The following CACNB2 variants were observed in gnomAD, a reference collection of about 807,000 sequenced individuals.
CACNB2 encodes voltage-dependent L-type calcium channel subunit beta-2.
In CACNB2, 42 loss-of-function variants were observed where a neutral mutation model predicts 73.3. The ratio of observed to expected loss-of-function variants is 0.57; its 90% CI spans 0.45 to 0.74. The LOEUF (loss-of-function observed/expected upper bound fraction) is 0.74, where lower values mean the gene tolerates loss of function less well. Ranked by LOEUF, CACNB2 falls within the 30% of genes least tolerant of loss-of-function variation. CACNB2 has a pLI of 0.00. For missense variants in CACNB2, 940 were observed against 853.0 expected (o/e 1.10, Z -1.27); for synonymous variants, 348 against 310.3 (o/e 1.12, Z -1.28).
chr10:18,145,093 G>A (rs1024137792), intron 1 of CACNB2, among the ~76,000 whole-genome samples: 9 of 152,210 alleles, frequency 5.9e-5, no homozygotes. Flanking sequence ...CAGTGGGCCT[G>A]TTTGTTTTGC....
At chr10:18,178,209 G>T (rs979105128) in intron 2 of CACNB2, among the ~76,000 whole-genome samples, 1 of 152,152 alleles carries the variant, frequency 6.6e-6, no homozygotes. Context: ...TCATAAGCCT[G>T]TAGGGATTGG....
intron 2 of CACNB2, among the ~76,000 whole-genome samples, chr10:18,396,549 CA>C (rs2043722772): frequency 6.6e-6 from 1 of 152,076 alleles, no homozygotes; most frequent in African/African-American, 2.4e-5. Flanking sequence ...CAGCTCACTG[CA>C]ACCTCCACCT....
At chr10:18,531,208 TTTTG>T (rs1359167284) in intron 10 of CACNB2, among the ~76,000 whole-genome samples, 5 of 152,214 alleles carry the variant, frequency 3.3e-5, no homozygotes, top group East Asian at 3.8e-4. Flanking sequence ...TTACAGTATT[TTTTG>T]TTTGATTACA....
chr10:18,500,639 G>A (rs892336262), intron 4 of CACNB2, among the ~76,000 whole-genome samples, 173 bp from the exon 5 acceptor site: 2 of 152,154 alleles, frequency 1.3e-5, no homozygotes, highest in Non-Finnish European at 2.9e-5. Flanking sequence ...TGCTGAGGAC[G>A]CTAAATGCAT....
chr10:18,256,011 A>G (rs1259517270), intron 2 of CACNB2, among the ~76,000 whole-genome samples: 1 of 152,220 alleles, frequency 6.6e-6, no homozygotes, highest in African/African-American at 2.4e-5. Context: ...GTAAAGAAAC[A>G]TTAATCCTCA....
intron 3 of CACNB2, among the ~76,000 whole-genome samples, chr10:18,483,907 T>C (rs2048921599): frequency 1.3e-5 from 2 of 152,292 alleles, no homozygotes; most frequent in South Asian, 4.1e-4. Context: ...ATTACTGTCC[T>C]CGCCACAGAA....
At chr10:18,484,717 C>A (rs1220934552) in intron 3 of CACNB2, among the ~76,000 whole-genome samples, 1 of 152,166 alleles carries the variant, frequency 6.6e-6, no homozygotes, top group African/African-American at 2.4e-5. Context: ...CCACTCTGTC[C>A]TTTCAACCAC....
intron 2 of CACNB2, among the ~76,000 whole-genome samples, chr10:18,331,474 G>A (rs1485756520): frequency 6.7e-6 from 1 of 148,576 alleles, no homozygotes; most frequent in Admixed American, 6.8e-5. Context: ...AAAAAAAAAG[G>A]ATGGGGGGGT....
rs764040568 is a variant in CACNB2 at position 18,289,297 on chromosome 10, G to GTTTTTTT, written c.214-112618_214-112612dup. 7.1e-5 allele frequency among the ~76,000 whole-genome samples: 4 copies of GTTTTTTT among 56,716 alleles called. 1 individual carries two copies. Among genetic ancestry groups the GTTTTTTT allele is most frequent in the African/African-American group, 3.4e-4 (4 of 11,770 alleles). The allele number at this position is 56,716 out of a possible 152,430, so 37.2% of individuals were successfully genotyped here. On this transcript the variant is annotated intron_variant, in intron 2 of 13. Transcript: ENST00000324631. ...TTTTTTTTTCTTGTTTTTTTGTTTT[G>GTTTTTTT]TTTTTTTTTTTTTTTGAGATGGGGT... is the stretch of plus-strand genomic sequence containing the variant.
chr10:18,459,833 T>C (rs1297270507), intron 3 of CACNB2, among the ~76,000 whole-genome samples: 2 of 151,996 alleles, frequency 1.3e-5, no homozygotes, highest in Non-Finnish European at 2.9e-5. Context: ...ATTCTGTCTC[T>C]ACAGAAATAC....
intron 2 of CACNB2, among the ~76,000 whole-genome samples, chr10:18,331,770 A>C (rs1018332820): frequency 6.6e-6 from 1 of 152,194 alleles, no homozygotes; most frequent in Admixed American, 6.5e-5. Context: ...GGCCTAGCTC[A>C]GATCTCCAAA....
At chr10:18,360,877 T>C (rs1357448011) in intron 2 of CACNB2, among the ~76,000 whole-genome samples, 6 of 152,192 alleles carry the variant, frequency 3.9e-5, no homozygotes, top group Non-Finnish European at 7.3e-5. Context: ...GCAAAACCAG[T>C]GATATTCCCT....
chr10:18,166,265 AT>A (rs564732771), intron 2 of CACNB2, among the ~76,000 whole-genome samples: 11 of 150,338 alleles, frequency 7.3e-5, no homozygotes, highest in Admixed American at 4.0e-4. Context: ...ATTTATGAGG[AT>A]TTTTTTTTTG....
chr10:18,379,444 C>T (rs1157437424), intron 2 of CACNB2, among the ~76,000 whole-genome samples: 1 of 152,056 alleles, frequency 6.6e-6, no homozygotes, highest in East Asian at 1.9e-4. Context: ...GAACTCCTGA[C>T]CGCAGGCGAT....
At chr10:18,264,120 A>G (rs1274839891) in intron 2 of CACNB2, among the ~76,000 whole-genome samples, 1 of 152,214 alleles carries the variant, frequency 6.6e-6, no homozygotes, top group Non-Finnish European at 1.5e-5. Flanking sequence ...AAGTATTGAC[A>G]TTTGCATGCT....
intron 2 of CACNB2, among the ~76,000 whole-genome samples, chr10:18,363,656 A>G (rs1016948402): frequency 6.6e-6 from 1 of 152,200 alleles, no homozygotes; most frequent in African/African-American, 2.4e-5. Context: ...GTATATGACT[A>G]GACAATGTGG....
intron 2 of CACNB2, among the ~76,000 whole-genome samples, chr10:18,388,079 A>G (rs545065203): frequency 4.2e-4 from 64 of 152,262 alleles, no homozygotes; most frequent in African/African-American, 1.5e-3. Flanking sequence ...CATCCTTACC[A>G]AAATGTATTC....
At chr10:18,275,582 TC>T (rs1197369610) in intron 2 of CACNB2, among the ~76,000 whole-genome samples, 1 of 152,086 alleles carries the variant, frequency 6.6e-6, no homozygotes, top group Admixed American at 6.6e-5. Context: ...AACCTGCACA[TC>T]CTGCACATGT....
chr10:18,427,884 T>C (rs1394899108), intron 3 of CACNB2, among the ~76,000 whole-genome samples: 1 of 152,184 alleles, frequency 6.6e-6, no homozygotes, highest in Non-Finnish European at 1.5e-5. Flanking sequence ...TCTATTTCAT[T>C]AACTTCTCTT....
Sources: gnomAD v4.1 joint callset for allele counts (sites outside exome capture counted in the v4.1 genomes callset) on GRCh38, gnomAD v4.1.1 for gene constraint, MANE v1.5 for transcripts, NCBI Gene and HGNC (gene_info 2026-07-23, HGNC 2026-07-21) for gene names.